Variants in MGST1 observed in about 807,000 individuals in gnomAD.
MGST1 encodes glutathione S-transferase 12.
A neutral mutation model predicts 8.9 loss-of-function variants in MGST1; 5 were observed. The observed-to-expected ratio is 0.56, with a 90% CI of 0.29 to 1.19. MGST1 has a LOEUF of 1.19. MGST1 is among the 50% of genes most tolerant of loss of function. MGST1 has a pLI of 0.08. For synonymous variants in MGST1, 54 were observed against 67.8 expected (o/e 0.80, Z 1.00); for missense variants, 182 against 187.4 (o/e 0.97, Z 0.17).
intron 1 of MGST1, chr12:16,400,533 A>G (rs936405793): frequency 7.0e-6 from 6 of 856,202 alleles, no homozygotes; most frequent in East Asian, 4.9e-5. Context: ...CTCAAGTTTT[A>G]TAACGTTTCT....
At chr12:16,432,334 G>A (rs538327040) in intron 1 of MGST1, among the ~76,000 whole-genome samples, 3 of 152,188 alleles carry the variant, frequency 2.0e-5, no homozygotes, top group African/African-American at 7.2e-5. Flanking sequence ...TCTTTGAAAG[G>A]AGTACCACTG....
intron 4 of MGST1, among the ~76,000 whole-genome samples, chr12:16,451,542 A>G (rs775607706): frequency 2.6e-5 from 4 of 151,886 alleles, no homozygotes; most frequent in Non-Finnish European, 2.9e-5. Context: ...GAAAGATTTT[A>G]TAGAAAAACT....
chr12:16,524,105 T>C (rs1941666472), intron 4 of MGST1, among the ~76,000 whole-genome samples: 1 of 152,088 alleles, frequency 6.6e-6, no homozygotes, highest in Non-Finnish European at 1.5e-5. Context: ...ATCAATCAAC[T>C]AAATTTGTCA....
At chr12:16,408,893 T>C (rs1177045326) in intron 1 of MGST1, among the ~76,000 whole-genome samples, 3 of 152,168 alleles carry the variant, frequency 2.0e-5, no homozygotes, top group African/African-American at 4.8e-5. Context: ...TTTAGTTGAG[T>C]CTAACCTACT....
intron 4 of MGST1, among the ~76,000 whole-genome samples, chr12:16,542,548 C>G (rs568015253): frequency 6.6e-6 from 1 of 152,298 alleles, no homozygotes; most frequent in South Asian, 2.1e-4. Context: ...ATCTCAGAGT[C>G]ATACTTGACC....
At chr12:16,534,403 A>G (rs535261834) in intron 4 of MGST1, among the ~76,000 whole-genome samples, 171 of 152,306 alleles carry the variant, frequency 1.1e-3, no homozygotes, top group South Asian at 2.5e-3. Flanking sequence ...CAAACAAAAC[A>G]TCTGCAACCA....
intron 4 of MGST1, among the ~76,000 whole-genome samples, chr12:16,588,011 G>A (rs112754727): frequency 5.3e-5 from 8 of 152,090 alleles, no homozygotes; most frequent in Non-Finnish European, 7.4e-5. Context: ...TTTCTCTTAC[G>A]ACTTCTTTCC....
At chr12:16,524,794 G>A (rs1591751859) in intron 4 of MGST1, among the ~76,000 whole-genome samples, 1 of 152,114 alleles carries the variant, frequency 6.6e-6, no homozygotes, top group Middle Eastern at 3.4e-3. Flanking sequence ...AGGTAACTAT[G>A]ACTATGTGGC....
intron 1 of MGST1, among the ~76,000 whole-genome samples, chr12:16,412,144 C>A (rs1362713703): frequency 6.6e-6 from 1 of 152,082 alleles, no homozygotes; most frequent in Non-Finnish European, 1.5e-5. Context: ...TGGATAGTTT[C>A]CTCTTATAGA....
At chr12:16,399,896 A>G in intron 1 of MGST1, 2 of 1,264,928 alleles carry the variant, frequency 1.6e-6, no homozygotes, top group Non-Finnish European at 2.3e-6. Context: ...GACCGCTCAA[A>G]GTAAATCAGC....
intron 1 of MGST1, chr12:16,402,512 T>C: frequency 9.1e-7 from 1 of 1,104,680 alleles, no homozygotes; most frequent in Admixed American, 2.1e-5. Context: ...CGCACTCTTA[T>C]TCTTGGTTAG....
chr12:16,547,350 T>C lies in MGST1; in HGVS notation n.483-42178T>C, dbSNP rs377301593. ...TGAGGGTGACTCATTAATTAATTGA[T>C]GTTCTTTTTTATCATGTGCTATTGA... On this transcript the variant is annotated intron_variant and non_coding_transcript_variant, in intron 4 of 4. Transcript: ENST00000538857. The surrounding 1 kb of genome is among the most constrained non-coding windows in gnomAD (Gnocchi z 4.6). Among the ~76,000 whole-genome samples, 4 of 152,300 alleles carry C rather than the reference T, an allele frequency of 2.6e-5. No homozygotes were observed. In the East Asian group the frequency reaches 7.7e-4, roughly 29 times the overall value.
chr12:16,478,075 G>C (rs970569921), intron 4 of MGST1, among the ~76,000 whole-genome samples: 2 of 152,176 alleles, frequency 1.3e-5, no homozygotes, highest in Admixed American at 6.5e-5. Flanking sequence ...CTGTGGCCAG[G>C]CTGGACTGCA....
In MGST1 at chr12:16,401,569, T is replaced by C; in HGVS notation, n.778+17965T>C. 7.9e-7 allele frequency: 1 copy of C among 1,273,000 alleles called. No homozygotes were observed. Among genetic ancestry groups the C allele is most frequent in the Non-Finnish European group, 1.1e-6 (1 of 870,400 alleles). The allele number at this position is 1,273,000 out of a possible 1,614,324, so 78.9% of individuals were successfully genotyped here. A position where few individuals can be genotyped will look rare whatever the true frequency, so the allele number is the denominator to read the frequency against. Reference sequence around the variant, plus strand: ...ATCAGCCATCAAAGTGCGAACAGGTTGGAGCAATAAGACTCGAAGCGAATA... The same window carrying C: ...ATCAGCCATCAAAGTGCGAACAGGTCGGAGCAATAAGACTCGAAGCGAATA... On this transcript the variant is annotated intron_variant and non_coding_transcript_variant, in intron 1 of 1. Transcript: ENST00000359720. The surrounding 1 kb of genome is among the most constrained non-coding windows in gnomAD (Gnocchi z 4.3).
In MGST1 at chr12:16,410,686, T is replaced by TATATA. The variant is rs1237460332; in HGVS notation, n.779-26691_779-26687dup. Among the ~76,000 whole-genome samples the TATATA allele has an allele frequency of 2.0e-5, 3 of 148,060 alleles. No individual in the cohort carries two copies. The highest frequency in any genetic ancestry group is 1.9e-4 in the East Asian group (1 of 5,138). On this transcript the variant is annotated intron_variant and non_coding_transcript_variant, in intron 1 of 1. Transcript: ENST00000359720. This position sits in a 1 kb window ranked among gnomAD's most constrained non-coding sequence, Gnocchi z 4.4. ...TACATAATCAAATATATAATATAAATATATAATATAATATATAAATATATA... is the reference window on the plus strand; with the variant it reads ...TACATAATCAAATATATAATATAAATATATAATATAATATAATATATAAATATATA...
intron 1 of MGST1, among the ~76,000 whole-genome samples, chr12:16,407,619 T>C (rs1346506133): frequency 1.3e-5 from 2 of 152,170 alleles, no homozygotes; most frequent in African/African-American, 4.8e-5. Flanking sequence ...CATGCATATG[T>C]TCACTGCAGT....
chr12:16,365,847 A>G (rs1940178495), downstream of MGST1, among the ~76,000 whole-genome samples: 1 of 152,208 alleles, frequency 6.6e-6, no homozygotes, highest in Non-Finnish European at 1.5e-5. Context: ...TTTGAAGGTC[A>G]TATGCTTTTC....
At chr12:16,498,051 G>A (rs529053074) in intron 4 of MGST1, among the ~76,000 whole-genome samples, 1 of 152,266 alleles carries the variant, frequency 6.6e-6, no homozygotes, top group East Asian at 1.9e-4. Context: ...ACTATGATAT[G>A]ACCCATAAAA....
intron 4 of MGST1, among the ~76,000 whole-genome samples, chr12:16,511,840 C>T (rs1047145477): frequency 4.6e-5 from 7 of 152,118 alleles, no homozygotes; most frequent in South Asian, 2.1e-4. Context: ...GGAGACAGTT[C>T]GGTGATATAT....
Sources: allele counts gnomAD v4.1 joint callset (sites outside exome capture counted in the v4.1 genomes callset), GRCh38; gene constraint gnomAD v4.1.1; non-coding constraint Gnocchi (gnomAD v3.1); transcripts MANE v1.5; gene names NCBI Gene and HGNC (gene_info 2026-07-23, HGNC 2026-07-21).